The following SWT1 variants were observed in gnomAD, a reference collection of about 807,000 sequenced individuals.
SWT1 encodes transcriptional protein SWT1.
Under a neutral mutation model 107.3 loss-of-function variants are expected in SWT1, and 33 were observed. That is an observed-to-expected ratio of 0.31 (90% CI 0.23 to 0.41). SWT1 has a LOEUF of 0.41. SWT1 is among the 10% of genes least tolerant of loss of function. SWT1 has a pLI of 1.00. For synonymous variants in SWT1, 345 were observed against 348.3 expected (o/e 0.99, Z 0.11); for missense variants, 898 against 1,028.9 (o/e 0.87, Z 1.74).
intron 17 of SWT1, among the ~76,000 whole-genome samples, chr1:185,274,035 A>G (rs1664068894): frequency 1.3e-5 from 2 of 152,080 alleles, no homozygotes; most frequent in Non-Finnish European, 2.9e-5. Flanking sequence ...GGACAGTTTT[A>G]AAATCACATA....
intron 7 of SWT1, among the ~76,000 whole-genome samples, chr1:185,183,162 C>T (rs1386323026): frequency 1.3e-5 from 2 of 151,708 alleles, no homozygotes; most frequent in African/African-American, 2.4e-5. Flanking sequence ...AGTAATGCTA[C>T]CTTACATTCA....
chr1:185,178,345 A>G (rs1221745704), intron 5 of SWT1, among the ~76,000 whole-genome samples: 3 of 152,208 alleles, frequency 2.0e-5, no homozygotes, highest in Non-Finnish European at 4.4e-5. Context: ...TCTCTAGACA[A>G]TGGATGATTT....
upstream of SWT1, chr1:185,157,155 C>T (rs1354665090): frequency 6.0e-6 from 1 of 167,632 alleles, no homozygotes; most frequent in Non-Finnish European, 1.3e-5. Context: ...TAAGCGAGCG[C>T]TGTGGGGCGG....
chr1:185,285,568 C>A (rs1298545287), intron 18 of SWT1, among the ~76,000 whole-genome samples: 1 of 152,112 alleles, frequency 6.6e-6, no homozygotes, highest in African/African-American at 2.4e-5. Context: ...TTTTTTCTTG[C>A]ATTGCCCATG....
intron 16 of SWT1, among the ~76,000 whole-genome samples, chr1:185,253,618 T>C (rs1662232754): frequency 6.6e-6 from 1 of 151,732 alleles, no homozygotes; most frequent in South Asian, 2.1e-4. Context: ...GTGATTTTTG[T>C]ACATTGATTT....
Position 185,168,621 on chromosome 1 carries a change from CAA to C in SWT1, c.224+225_224+226del, listed in dbSNP as rs540618676. 1.2e-4 allele frequency among the ~76,000 whole-genome samples: 19 copies of C among 152,222 alleles called. No homozygotes were observed. In the South Asian group the frequency reaches 3.7e-3, roughly 30 times the overall value. Reference sequence around the variant, plus strand: ...TGAAAACTATTGTGTAAATGACACTCAAATGTGCATTTTAATCTCAAGTGATT... The same window carrying C: ...TGAAAACTATTGTGTAAATGACACTCATGTGCATTTTAATCTCAAGTGATT... On this transcript the variant is annotated intron_variant, in intron 4 of 18. Transcript: ENST00000367500.
At chr1:185,227,716 C>A (rs1330871232) in intron 15 of SWT1, 2 of 510,750 alleles carry the variant, frequency 3.9e-6, no homozygotes, top group Non-Finnish European at 7.4e-6. Context: ...AGAACAGAGA[C>A]CTGCGTCTGC....
rs768751283 is a variant in SWT1, at chr1:185,174,823, G to C, written c.676G>C (p.Gly226Arg). The C allele has an allele frequency of 1.2e-6, 2 of 1,613,740 alleles. No homozygotes were observed. Among genetic ancestry groups the C allele is most frequent in the Admixed American group, 3.3e-5 (2 of 59,978 alleles). Residue 226 changes from glycine to arginine, a missense_variant, in exon 5 of 19, where the codon GGA (glycine) becomes CGA (arginine). Coordinates refer to ENST00000367500, the MANE Select transcript of SWT1 (RefSeq NM_017673.7). ...CAACAAGATAATTAAGGAACCCTTG[G>C]GATCTAGAAGACAGAAGATCAGTTT... Reference protein sequence around the residue: ...NSNKIIKEPLGSRRQKISFKI... With the variant: ...NSNKIIKEPLRSRRQKISFKI...
rs1025217111 is a variant in SWT1 at position 185,176,962 on chromosome 1, C to T, written c.966+1849C>T. The T allele has an allele frequency of 1.4e-4, 129 of 894,514 alleles. No individual in the cohort carries two copies. In the African/African-American group the frequency reaches 1.6e-3, roughly 11 times the overall value. The allele number at this position is 894,514 out of a possible 1,614,324, so 55.4% of individuals were successfully genotyped here. A position where few individuals can be genotyped will look rare whatever the true frequency, so the allele number is the denominator to read the frequency against. On this transcript the variant is annotated intron_variant, in intron 5 of 18. Coordinates refer to ENST00000367500, the MANE Select transcript of SWT1 (RefSeq NM_017673.7). ...TCGCGCCACTGCACTCCAGCCTGGG[C>T]GACAGAGCAAGACTCCGTCTTAAAA... is the stretch of plus-strand genomic sequence containing the variant.
intron 8 of SWT1, 124 bp from the exon 9 acceptor site, chr1:185,184,619 A>G (rs1419569457): frequency 4.8e-6 from 3 of 619,868 alleles, no homozygotes; most frequent in South Asian, 2.4e-5. Flanking sequence ...TTGTCTCTCA[A>G]TTTATTGTGA....
chr1:185,226,472 A>G (rs1660064329), intron 15 of SWT1, among the ~76,000 whole-genome samples: 1 of 152,162 alleles, frequency 6.6e-6, no homozygotes, highest in African/African-American at 2.4e-5. Context: ...ATGGTGGGTC[A>G]TGCCTGTAAT....
intron 14 of SWT1, among the ~76,000 whole-genome samples, chr1:185,216,431 A>G (rs1412273347): frequency 2.0e-5 from 3 of 152,178 alleles, no homozygotes; most frequent in East Asian, 1.9e-4. Flanking sequence ...GAACAGATGG[A>G]AAGTGCAAGA....
At chr1:185,215,852 T>C (rs1384529826) in intron 14 of SWT1, among the ~76,000 whole-genome samples, 2 of 152,090 alleles carry the variant, frequency 1.3e-5, no homozygotes, top group African/African-American at 4.8e-5. Context: ...TAATTTCAAG[T>C]CTAGAAAAAT....
intron 14 of SWT1, among the ~76,000 whole-genome samples, chr1:185,220,789 A>G (rs77616501): frequency 1.3e-5 from 2 of 152,324 alleles, no homozygotes; most frequent in East Asian, 1.9e-4. Flanking sequence ...AATACACACT[A>G]CAGTTTATTG....
intron 4 of SWT1, chr1:185,171,716 C>T: frequency 2.1e-6 from 1 of 467,712 alleles, no homozygotes; most frequent in Non-Finnish European, 4.2e-6. Context: ...GCCATGGTGG[C>T]AGTGAAGGCA....
In SWT1 at chr1:185,214,378, T is replaced by C. The variant is rs1659056655; in HGVS notation, c.1973-129T>C. The C allele has an allele frequency of 9.0e-6, 5 of 554,876 alleles. No individual in the cohort carries two copies. The Admixed American group carries it at 1.5e-4, about 17-fold the overall frequency. The allele number at this position is 554,876 out of a possible 1,614,324, so 34.4% of individuals were successfully genotyped here. On this transcript the variant is annotated intron_variant, in intron 13 of 18. Transcript: ENST00000367500. ...TTGCTTTTTGTACCAGAGGGATAAC[T>C]TAGGAGTGGCATATAGGTATAAATG...
chr1:185,158,441 A>G (rs1306149157), intron 1 of SWT1, among the ~76,000 whole-genome samples: 1 of 151,784 alleles, frequency 6.6e-6, no homozygotes, highest in African/African-American at 2.4e-5. Flanking sequence ...AAATGGGATA[A>G]CACTGACTAT....
At chr1:185,241,128 C>T (rs2102608134) in intron 16 of SWT1, among the ~76,000 whole-genome samples, 1 of 152,208 alleles carries the variant, frequency 6.6e-6, no homozygotes, top group South Asian at 2.1e-4. Flanking sequence ...ACACTTTAGG[C>T]TACTTCTTTA....
chr1:185,288,080 G>C (rs377042875), intron 18 of SWT1, among the ~76,000 whole-genome samples: 1 of 152,230 alleles, frequency 6.6e-6, no homozygotes, highest in African/African-American at 2.4e-5. Flanking sequence ...TTTTAAGTTT[G>C]TAAGAAAACA....
Sources: gnomAD v4.1 joint callset for allele counts (sites outside exome capture counted in the v4.1 genomes callset) on GRCh38, gnomAD v4.1.1 for gene constraint, MANE v1.5 for transcripts, NCBI Gene and HGNC (gene_info 2026-07-23, HGNC 2026-07-21) for gene names.